The following NALF1 variants were observed in gnomAD, a reference collection of about 807,000 sequenced individuals.
NALF1 encodes family with sequence similarity 155 member A.
NALF1 carries 3 observed loss-of-function variants against 48.4 expected under a neutral mutation model. The ratio of observed to expected loss-of-function variants is 0.06; its 90% CI spans 0.03 to 0.16. The LOEUF (loss-of-function observed/expected upper bound fraction) is 0.16, where lower values mean the gene tolerates loss of function less well. Among genes scored for constraint, NALF1 ranks in the 10% least tolerant of loss-of-function variants. NALF1 has a pLI of 1.00. For synonymous variants in NALF1, 262 were observed against 245.7 expected, an observed-to-expected ratio of 1.07 and a Z score of -0.62; for missense variants, 526 against 571.5, an observed-to-expected ratio of 0.92 and a Z score of 0.81.
intron 1 of NALF1, among the ~76,000 whole-genome samples, chr13:107,494,495 C>CT (rs1875258979): frequency 6.6e-6 from 1 of 152,158 alleles, no homozygotes; most frequent in African/African-American, 2.4e-5. Flanking sequence ...AACGGTCTAT[C>CT]CATGGTTGCC....
intron 1 of NALF1, among the ~76,000 whole-genome samples, chr13:107,808,171 T>C (rs1051543483): frequency 1.2e-4 from 18 of 152,198 alleles, no homozygotes; most frequent in African/African-American, 4.3e-4. Context: ...GAAGTATATA[T>C]ATTTTTGTAA....
chr13:107,559,377 G>C (rs1277942267), intron 1 of NALF1, among the ~76,000 whole-genome samples: 2 of 152,084 alleles, frequency 1.3e-5, no homozygotes, highest in East Asian at 3.9e-4. Context: ...AAAATAAAAA[G>C]AGTAGACTAC....
chr13:107,608,324 C>A (rs938834233), intron 1 of NALF1, among the ~76,000 whole-genome samples: 1 of 152,090 alleles, frequency 6.6e-6, no homozygotes, highest in African/African-American at 2.4e-5. Flanking sequence ...CAGCCAACAG[C>A]CAGTGTCAAT....
chr13:107,653,006 A>C (rs1233575378), intron 1 of NALF1, among the ~76,000 whole-genome samples: 2 of 152,142 alleles, frequency 1.3e-5, no homozygotes, highest in East Asian at 3.9e-4. Flanking sequence ...AAAATGTTTC[A>C]ACAAAGATAC....
At chr13:107,255,654 C>A (rs1278125716) in intron 1 of NALF1, among the ~76,000 whole-genome samples, 1 of 152,102 alleles carries the variant, frequency 6.6e-6, no homozygotes, top group African/African-American at 2.4e-5. Context: ...CAACATATAC[C>A]AAGTATATAC....
chr13:107,289,167 A>G (rs1168884987), intron 1 of NALF1, among the ~76,000 whole-genome samples: 1 of 152,154 alleles, frequency 6.6e-6, no homozygotes, highest in Non-Finnish European at 1.5e-5. Flanking sequence ...TGCCCTTAGC[A>G]AGGTCTTTGC....
chr13:107,836,752 G>C (rs1157147366), intron 1 of NALF1, among the ~76,000 whole-genome samples: 1 of 152,150 alleles, frequency 6.6e-6, no homozygotes, highest in Non-Finnish European at 1.5e-5. Context: ...CCTCAGGTGA[G>C]TCTCTCTAAT....
At chr13:107,684,338 C>T (rs1006553311) in intron 1 of NALF1, among the ~76,000 whole-genome samples, 13 of 152,170 alleles carry the variant, frequency 8.5e-5, no homozygotes, top group African/African-American at 1.7e-4. Context: ...GAAGAGGAAA[C>T]GAGTGTCATA....
At chr13:107,743,988 G>C (rs1291960860) in intron 1 of NALF1, among the ~76,000 whole-genome samples, 1 of 152,204 alleles carries the variant, frequency 6.6e-6, no homozygotes, top group Non-Finnish European at 1.5e-5. Flanking sequence ...CCTTGTAGAA[G>C]ACTAGCCCAG....
chr13:107,601,253 C>T (rs1340659939), intron 1 of NALF1, among the ~76,000 whole-genome samples: 2 of 152,164 alleles, frequency 1.3e-5, no homozygotes, highest in African/African-American at 2.4e-5. Context: ...TGAGCTGAGA[C>T]TGTGCTGACC....
In NALF1 at chr13:107,745,393, C is replaced by A. The variant is rs550903446; in HGVS notation, c.915+120289G>T. Among the ~76,000 whole-genome samples, 3 of 152,232 alleles carry A rather than the reference C, an allele frequency of 2.0e-5. No homozygotes were observed. In the South Asian group the frequency reaches 6.2e-4, roughly 32 times the overall value. ...CCCTAGCTGAGTTTCAAAAAATGTTCTTAAGATTGTTGGATTAAATGATTA... is the reference window on the plus strand; with the variant it reads ...CCCTAGCTGAGTTTCAAAAAATGTTATTAAGATTGTTGGATTAAATGATTA... On this transcript the variant is annotated intron_variant, in intron 1 of 2. Transcript: ENST00000375915.
intron 1 of NALF1, among the ~76,000 whole-genome samples, chr13:107,543,753 GTATA>G (rs1373724758): frequency 6.6e-6 from 1 of 151,408 alleles, no homozygotes; most frequent in African/African-American, 2.4e-5. Flanking sequence ...ATTTATACAT[GTATA>G]TATACACACA....
intron 1 of NALF1, among the ~76,000 whole-genome samples, chr13:107,335,106 G>A (rs550671577): frequency 8.5e-5 from 13 of 152,176 alleles, no homozygotes; most frequent in Middle Eastern, 3.4e-3. Flanking sequence ...AGAGAATGCC[G>A]TTCCCTCCTC....
chr13:107,320,013 C>T (rs757837501), intron 1 of NALF1, among the ~76,000 whole-genome samples: 3 of 152,072 alleles, frequency 2.0e-5, no homozygotes, highest in African/African-American at 2.4e-5. Context: ...ACTTACAGAA[C>T]AGAACAAGGC....
intron 1 of NALF1, among the ~76,000 whole-genome samples, chr13:107,251,541 C>T (rs1880700524): frequency 6.6e-6 from 1 of 152,200 alleles, no homozygotes; most frequent in Admixed American, 6.5e-5. Flanking sequence ...AGCTACATCC[C>T]ACAGGCTGAA....
At chr13:107,771,790 G>A (rs1877583892) in intron 1 of NALF1, among the ~76,000 whole-genome samples, 1 of 152,100 alleles carries the variant, frequency 6.6e-6, no homozygotes, top group Admixed American at 6.6e-5. Context: ...AGGCTGGAGT[G>A]CAGTGGCGCG....
chr13:107,410,621 C>T (rs1157083327), intron 1 of NALF1, among the ~76,000 whole-genome samples: 1 of 151,956 alleles, frequency 6.6e-6, no homozygotes, highest in Non-Finnish European at 1.5e-5. Context: ...GAAAATTTTC[C>T]CAGAAAAACT....
chr13:107,253,467 C>T (rs1880745640), intron 1 of NALF1, among the ~76,000 whole-genome samples: 1 of 152,146 alleles, frequency 6.6e-6, no homozygotes, highest in Non-Finnish European at 1.5e-5. Flanking sequence ...GGCCACCTTG[C>T]TCCCTCTAGT....
At chr13:107,854,055 T>C (rs1347355844) in intron 1 of NALF1, among the ~76,000 whole-genome samples, 1 of 152,222 alleles carries the variant, frequency 6.6e-6, no homozygotes, top group Non-Finnish European at 1.5e-5. Context: ...AGCAAAACTA[T>C]GCAGATAGGA....
Sources: allele counts gnomAD v4.1 joint callset (sites outside exome capture counted in the v4.1 genomes callset), GRCh38; gene constraint gnomAD v4.1.1; transcripts MANE v1.5; gene names NCBI Gene and HGNC (gene_info 2026-07-23, HGNC 2026-07-21).